Variants in SIPA1L1 observed in about 807,000 individuals in gnomAD.
SIPA1L1 encodes signal-induced proliferation-associated 1-like protein 1.
Under a neutral mutation model 162.7 loss-of-function variants are expected in SIPA1L1, and 26 were observed. The observed-to-expected ratio is 0.16, with a 90% CI of 0.12 to 0.22. SIPA1L1 has a LOEUF of 0.22. Ranked by LOEUF, SIPA1L1 falls within the 10% of genes least tolerant of loss-of-function variation. The pLI, the probability that SIPA1L1 is intolerant of heterozygous loss-of-function variation, is 1.00. For synonymous variants in SIPA1L1, 829 were observed against 837.4 expected, an observed-to-expected ratio of 0.99 and a Z score of 0.17; for missense variants, 1,874 against 2,241.0, an observed-to-expected ratio of 0.84 and a Z score of 3.31.
intron 3 of SIPA1L1, among the ~76,000 whole-genome samples, chr14:71,522,299 G>T (rs968451332): frequency 9.2e-5 from 14 of 151,988 alleles, no homozygotes; most frequent in Admixed American, 3.3e-4. Context: ...ATGTCTCTTG[G>T]TATTGATTTT....
chr14:71,537,245 G>A (rs184221731), intron 4 of SIPA1L1, among the ~76,000 whole-genome samples: 1 of 152,046 alleles, frequency 6.6e-6, no homozygotes, highest in African/African-American at 2.4e-5. Flanking sequence ...TAGCTCTGTT[G>A]CCCGGAGTGC....
chr14:71,350,682 G>A (rs1204361247), intron 2 of SIPA1L1, among the ~76,000 whole-genome samples: 6 of 152,200 alleles, frequency 3.9e-5, no homozygotes, highest in Admixed American at 3.9e-4. Context: ...GTTAGGGATT[G>A]CAGTGGTCCT....
intron 2 of SIPA1L1, among the ~76,000 whole-genome samples, chr14:71,509,578 A>G (rs2050948238): frequency 6.6e-6 from 1 of 152,076 alleles, no homozygotes; most frequent in African/African-American, 2.4e-5. Flanking sequence ...CTCTGTCTCT[A>G]CTAATAATAC....
At chr14:71,476,218 G>T (rs546997746) in intron 2 of SIPA1L1, among the ~76,000 whole-genome samples, 12 of 152,330 alleles carry the variant, frequency 7.9e-5, no homozygotes, top group Admixed American at 1.3e-4. Context: ...ATAACCCGGT[G>T]GGGTAGAGAT....
intron 4 of SIPA1L1, among the ~76,000 whole-genome samples, chr14:71,553,984 C>T (rs566031269): frequency 2.5e-4 from 38 of 152,254 alleles, no homozygotes; most frequent in Admixed American, 8.5e-4. Context: ...GAACTTTGGC[C>T]TATCTGAATG....
intron 2 of SIPA1L1, among the ~76,000 whole-genome samples, chr14:71,397,906 A>G (rs958816632): frequency 6.6e-6 from 1 of 150,836 alleles, no homozygotes; most frequent in Admixed American, 6.6e-5. Context: ...TTTGTGTTCT[A>G]CTTTTAATTG....
chr14:71,680,315 C>T (rs987206546), intron 12 of SIPA1L1, among the ~76,000 whole-genome samples: 1 of 152,190 alleles, frequency 6.6e-6, no homozygotes, highest in African/African-American at 2.4e-5. Context: ...ACATCCTGCT[C>T]CTGAATGACT....
chr14:71,615,122 C>G (rs1271473461), intron 5 of SIPA1L1, among the ~76,000 whole-genome samples: 3 of 152,092 alleles, frequency 2.0e-5, no homozygotes, highest in Non-Finnish European at 4.4e-5. Flanking sequence ...TGTCATACTT[C>G]GGATGAGACC....
intron 4 of SIPA1L1, among the ~76,000 whole-genome samples, chr14:71,550,122 G>A (rs8015298): frequency 0.052 from 7,986 of 152,192 alleles, 285 homozygotes; most frequent in Non-Finnish European, 0.085. Flanking sequence ...GTGTTGGTGC[G>A]TGCACTTGTA....
chr14:71,668,724 A>C (rs2044248607), intron 10 of SIPA1L1, among the ~76,000 whole-genome samples: 1 of 152,176 alleles, frequency 6.6e-6, no homozygotes, highest in South Asian at 2.1e-4. Flanking sequence ...CCTGCTGAGT[A>C]GAACATTCCA....
At chr14:71,358,227 T>C (rs2037458452) in intron 2 of SIPA1L1, among the ~76,000 whole-genome samples, 1 of 152,126 alleles carries the variant, frequency 6.6e-6, no homozygotes, top group African/African-American at 2.4e-5. Context: ...TTGAGGAAAA[T>C]GAATCACAGA....
At chr14:71,457,129 A>C in intron 2 of SIPA1L1, among the ~76,000 whole-genome samples, 1 of 152,054 alleles carries the variant, frequency 6.6e-6, no homozygotes, top group East Asian at 1.9e-4. Flanking sequence ...AAACTGCCCT[A>C]GCATCCATCT....
chr14:71,714,677 G>A (rs529646816), intron 17 of SIPA1L1, among the ~76,000 whole-genome samples: 108 of 152,058 alleles, frequency 7.1e-4, no homozygotes, highest in Non-Finnish European at 1.4e-3. Context: ...AACCTTCTGG[G>A]CTCAAGTGAT....
At chr14:71,529,181 A>G in intron 3 of SIPA1L1, 131 bp from the exon 4 acceptor site, 1 of 409,870 alleles carries the variant, frequency 2.4e-6, no homozygotes. Flanking sequence ...TTTAAAAGCA[A>G]CTATTTACCT....
chr14:71,546,849 G>A (rs2055263127), intron 4 of SIPA1L1, among the ~76,000 whole-genome samples: 1 of 152,152 alleles, frequency 6.6e-6, no homozygotes, highest in Admixed American at 6.5e-5. Flanking sequence ...CATCTCACTT[G>A]ATCTGGTGAG....
At chr14:71,535,453 G>A (rs373133789) in intron 4 of SIPA1L1, among the ~76,000 whole-genome samples, 1 of 152,112 alleles carries the variant, frequency 6.6e-6, no homozygotes, top group African/African-American at 2.4e-5. Context: ...AATATAAAAT[G>A]AGCTGCTATA....
In SIPA1L1 at chr14:71,489,307, A is replaced by G. The variant is rs148317472; in HGVS notation, c.-464-23436A>G. ...TATGCCTTTGAAGCTAGATAACGTC[A>G]GTGTGCTTGTAACTTGGGACCCAGT... On this transcript the variant is annotated intron_variant, in intron 2 of 23. Transcript: ENST00000381232. 5.6e-3 allele frequency among the ~76,000 whole-genome samples: 848 copies of G among 152,316 alleles called. 6 individuals carry two copies. Among genetic ancestry groups the G allele is most frequent in the Non-Finnish European group, 9.9e-3 (673 of 68,034 alleles).
chr14:71,443,821 GT>G (rs1416263981), intron 2 of SIPA1L1, among the ~76,000 whole-genome samples: 33 of 152,336 alleles, frequency 2.2e-4, no homozygotes, highest in African/African-American at 7.7e-4. Context: ...GACAACTTCT[GT>G]TACAGAGGTG....
intron 4 of SIPA1L1, among the ~76,000 whole-genome samples, chr14:71,538,524 G>A (rs1291790915): frequency 1.3e-5 from 2 of 152,186 alleles, no homozygotes; most frequent in Non-Finnish European, 2.9e-5. Flanking sequence ...GCCTTCTTTA[G>A]TTTGCTGTTT....
Sources: gnomAD v4.1 joint callset for allele counts (sites outside exome capture counted in the v4.1 genomes callset) on GRCh38, gnomAD v4.1.1 for gene constraint, MANE v1.5 for transcripts, NCBI Gene and HGNC (gene_info 2026-07-23, HGNC 2026-07-21) for gene names.